The following GABRA3 variants were observed in gnomAD, a reference collection of about 807,000 sequenced individuals.
GABRA3 encodes the protein gamma-aminobutyric acid receptor subunit alpha-3.
A neutral mutation model predicts 30.1 loss-of-function variants in GABRA3; 10 were observed. The ratio of observed to expected loss-of-function variants is 0.33; its 90% CI spans 0.20 to 0.56. The LOEUF is 0.56. Ranked by LOEUF, GABRA3 falls within the 20% of genes least tolerant of loss-of-function variation. GABRA3 has a pLI of 0.89. For synonymous variants in GABRA3, 151 were observed against 146.8 expected, an observed-to-expected ratio of 1.03 and a Z score of -0.21; for missense variants, 233 against 392.0, an observed-to-expected ratio of 0.59 and a Z score of 3.42.
rs192066683 is a variant in GABRA3 at position 152,444,144 on chromosome X, T to C, written c.-27+7002A>G. Among the ~76,000 whole-genome samples, 9 of 111,246 alleles carry C rather than the reference T, an allele frequency of 8.1e-5. No homozygotes were observed. In the East Asian group the frequency reaches 2.5e-3, roughly 31 times the overall value. The stretch of plus-strand genomic sequence containing the variant: ...CAGGAAAAAACAATGTAATGGTAGA[T>C]ATTACAATCTTAAGGTATATTAGAA... On this transcript the variant is annotated intron_variant, in intron 1 of 9. Coordinates refer to ENST00000370314, the MANE Select transcript of GABRA3 (RefSeq NM_000808.4).
rs1386272230 is a variant in GABRA3, at chrX:152,168,162, G to A, written c.*66C>T. ...CCTGAAATACGCGAAGGGGAGCCCC[G>A]GGGTTTGGGTGCCTGGATGCTTCAC... On this transcript the variant is annotated 3_prime_UTR_variant, in exon 10 of 10. Transcript: ENST00000370314. The A allele has an allele frequency of 1.6e-5, 15 of 927,567 alleles. No homozygotes were observed. Among genetic ancestry groups the A allele is most frequent in the Non-Finnish European group, 2.3e-5 (15 of 649,619 alleles). The allele number at this position is 927,567 out of a possible 1,213,427, so 76.4% of individuals were successfully genotyped here.
intron 3 of GABRA3, among the ~76,000 whole-genome samples, chrX:152,290,263 G>T (rs1179510947): frequency 8.9e-6 from 1 of 112,273 alleles, no homozygotes; most frequent in Non-Finnish European, 1.9e-5. Context: ...CTGATGACCA[G>T]TGATGATGAG....
intron 1 of GABRA3, among the ~76,000 whole-genome samples, chrX:152,407,928 A>C (rs1929975497): frequency 8.9e-6 from 1 of 111,991 alleles, no homozygotes; most frequent in Non-Finnish European, 1.9e-5. Flanking sequence ...ATGCAAACCA[A>C]TCAGTGTGAT....
At chrX:152,197,021 C>T (rs751492987) in intron 8 of GABRA3, among the ~76,000 whole-genome samples, 33 of 111,739 alleles carry the variant, frequency 3.0e-4, no homozygotes, top group Non-Finnish European at 5.6e-4. Flanking sequence ...TATTTATCTC[C>T]GACAGTGGGA....
intron 5 of GABRA3, among the ~76,000 whole-genome samples, chrX:152,233,514 T>C (rs1364581022): frequency 9.1e-6 from 1 of 109,305 alleles, no homozygotes; most frequent in Admixed American, 9.8e-5. Context: ...CTCACACCAG[T>C]TAGAATGGCG....
At chrX:152,409,607 A>T (rs1930019199) in intron 1 of GABRA3, among the ~76,000 whole-genome samples, 1 of 111,643 alleles carries the variant, frequency 9.0e-6, no homozygotes, top group South Asian at 3.8e-4. Context: ...ATATCTGCAA[A>T]CTACCCATGT....
intron 1 of GABRA3, among the ~76,000 whole-genome samples, chrX:152,376,720 TTC>T (rs1262224564): frequency 8.9e-6 from 1 of 112,177 alleles, no homozygotes; most frequent in Non-Finnish European, 1.9e-5. Flanking sequence ...CTTAATTGCC[TTC>T]TGTTTATTTT....
At chrX:152,343,474 G>T (rs1603245106) in intron 3 of GABRA3, among the ~76,000 whole-genome samples, 1 of 103,954 alleles carries the variant, frequency 9.6e-6, no homozygotes, top group Admixed American at 1.0e-4. Context: ...AAACGCAATT[G>T]CACCATTCTC....
chrX:152,255,701 G>T (rs2124414052), intron 5 of GABRA3, 77 bp downstream of exon 5: 1 of 887,215 alleles, frequency 1.1e-6, no homozygotes, highest in South Asian at 2.1e-5. Flanking sequence ...AATTTTCAAT[G>T]GATACTCTAA....
In GABRA3 at chrX:152,445,060, C is replaced by CAAA. The variant is rs1204814043; in HGVS notation, c.-27+6083_-27+6085dup. Among the ~76,000 whole-genome samples, 422 of 18,701 alleles carry CAAA rather than the reference C, an allele frequency of 0.023. 56 individuals are homozygous for CAAA. In the East Asian group the frequency reaches 0.34, roughly 15 times the overall value. The allele number at this position is 18,701 out of a possible 115,157, so 16.2% of individuals were successfully genotyped here. A position where few individuals can be genotyped will look rare whatever the true frequency, so the allele number is the denominator to read the frequency against. ...TGGGCAACAGAGTGAGACTCCGTCT[C>CAAA]AAAAAAAAAAAAAAAAAAAAAAAAA... On this transcript the variant is annotated intron_variant, in intron 1 of 9. Transcript: ENST00000370314.
chrX:152,168,553 G>A lies in GABRA3; in HGVS notation c.1154C>T (p.Pro385Leu). 8.3e-7 allele frequency: 1 copy of A among 1,203,942 alleles called. No individual in the cohort carries two copies. Among genetic ancestry groups the A allele is most frequent in the Non-Finnish European group, 1.1e-6 (1 of 889,069 alleles). Residue 385 changes from proline (P) to leucine (L), a missense_variant, in exon 10 of 10, where the codon CCA becomes CTA. Physicochemically the swap from Pro to Leu is moderately conservative, Grantham distance 98. This residue lies in a region of GABRA3 where 66 missense variants were observed against 57.1 expected (regional missense o/e 1.16). Coordinates refer to ENST00000370314, the MANE Select transcript of GABRA3 (RefSeq NM_000808.4). ...GCTGGTTTTCTTTGCTGGGGCTGCT[G>A]GTGTTTTCTTCTAGAGGCCAGGAAA... ...PEALEMKKKT[P>L]AAPAKKTSTT...
chrX:152,448,255 T>G (rs1237575701), intron 1 of GABRA3, among the ~76,000 whole-genome samples: 2 of 112,255 alleles, frequency 1.8e-5, no homozygotes, highest in Non-Finnish European at 3.8e-5. Flanking sequence ...CCGAGGCCCC[T>G]GCCATAGACT....
intron 4 of GABRA3, among the ~76,000 whole-genome samples, chrX:152,257,602 A>G (rs779333002): frequency 1.2e-4 from 13 of 112,623 alleles, no homozygotes; most frequent in African/African-American, 3.5e-4. Flanking sequence ...TCCTGCCTAC[A>G]GATTTAAAGA....
intron 6 of GABRA3, among the ~76,000 whole-genome samples, chrX:152,211,203 G>A (rs576573287): frequency 9.1e-6 from 1 of 110,098 alleles, no homozygotes; most frequent in South Asian, 3.9e-4. Flanking sequence ...GAAAGAGTAA[G>A]CAATGGAAGA....
At chrX:152,409,611 C>A (rs1210686596) in intron 1 of GABRA3, among the ~76,000 whole-genome samples, 3 of 111,165 alleles carry the variant, frequency 2.7e-5, no homozygotes, top group Non-Finnish European at 5.7e-5. Flanking sequence ...CTGCAAACTA[C>A]CCATGTGAAA....
intron 1 of GABRA3, among the ~76,000 whole-genome samples, chrX:152,412,878 CAT>C (rs1930107232): frequency 1.8e-5 from 2 of 110,907 alleles, no homozygotes; most frequent in African/African-American, 6.6e-5. Context: ...ACCTAAGAGA[CAT>C]GTGGAACATT....
At chrX:152,260,414 C>T (rs1938710061) in intron 4 of GABRA3, among the ~76,000 whole-genome samples, 1 of 110,802 alleles carries the variant, frequency 9.0e-6, no homozygotes. Context: ...GAAGTAGTTA[C>T]AGGAAGCCTT....
At chrX:152,209,480 C>T (rs1895477204) in intron 6 of GABRA3, among the ~76,000 whole-genome samples, 1 of 111,195 alleles carries the variant, frequency 9.0e-6, no homozygotes. Context: ...GTTGTTCAAG[C>T]CAGAGGGGAA....
intron 3 of GABRA3, among the ~76,000 whole-genome samples, chrX:152,304,392 G>A (rs1603238070): frequency 8.9e-6 from 1 of 112,010 alleles, no homozygotes; most frequent in East Asian, 2.8e-4. Context: ...GTTGAGAAGG[G>A]TATTTCCTAG....
Sources: allele counts gnomAD v4.1 joint callset (sites outside exome capture counted in the v4.1 genomes callset), GRCh38; gene constraint gnomAD v4.1.1; regional missense constraint gnomAD v4.1.1; transcripts MANE v1.5; gene names NCBI Gene and HGNC (gene_info 2026-07-23, HGNC 2026-07-21).